Variants in CNTN5 observed in about 807,000 individuals in gnomAD.
CNTN5 encodes the protein contactin 5, also known as contactin-5.
CNTN5 carries 77 observed loss-of-function variants against 129.1 expected under a neutral mutation model. That is an observed-to-expected ratio of 0.60 (90% CI 0.50 to 0.72). CNTN5 has a LOEUF of 0.72. CNTN5 is among the 30% of genes least tolerant of loss of function. The probability of loss-of-function intolerance (pLI) is 0.00; values close to 1 mark genes in which losing one functional copy is unlikely to be tolerated. For missense variants in CNTN5, 1,478 were observed against 1,328.8 expected, an observed-to-expected ratio of 1.11 and a Z score of -1.75; for synonymous variants, 509 against 465.6, an observed-to-expected ratio of 1.09 and a Z score of -1.20.
At chr11:100,202,467 T>G (rs1397012058) in intron 15 of CNTN5, among the ~76,000 whole-genome samples, 3 of 151,488 alleles carry the variant, frequency 2.0e-5, no homozygotes, top group Admixed American at 1.3e-4. Flanking sequence ...TTTCAAGTAT[T>G]TATACATTTC....
chr11:100,236,956 A>G (rs898760712), intron 16 of CNTN5, among the ~76,000 whole-genome samples: 6 of 152,116 alleles, frequency 3.9e-5, no homozygotes, highest in Admixed American at 1.3e-4. Flanking sequence ...TTGGGAGGCC[A>G]AGGCGGGTGG....
In CNTN5 at chr11:99,956,816, T is replaced by C. The variant is rs1950814488; in HGVS notation, c.684T>C (p.Tyr228=). ...TTTGTGTATTTTCAGAGATCATCTA[T>C]AGCTGGGTATTTAATGAGTTCCCTT... The part of the protein sequence containing the change: ...SPPPHSPEII[Y]SWVFNEFPSF... Residue 228 remains tyrosine, a synonymous_variant, in exon 8 of 25, where the codon TAT becomes TAC. Coordinates refer to ENST00000524871, the MANE Select transcript of CNTN5 (RefSeq NM_014361.4). 6 of 1,613,816 alleles carry C rather than the reference T, an allele frequency of 3.7e-6. No individual in the cohort carries two copies. Among genetic ancestry groups the C allele is most frequent in the East Asian group, 4.5e-5 (2 of 44,872 alleles).
intron 13 of CNTN5, among the ~76,000 whole-genome samples, chr11:100,136,419 A>ATTTAG (rs1297639847): frequency 6.6e-6 from 1 of 152,024 alleles, no homozygotes. Context: ...TTTTCTTCTA[A>ATTTAG]TTTAGTTTGA....
intron 1 of CNTN5, among the ~76,000 whole-genome samples, chr11:99,289,238 C>T (rs997412746): frequency 2.0e-5 from 3 of 151,684 alleles, no homozygotes; most frequent in African/African-American, 2.4e-5. Flanking sequence ...ATTTCTTTGT[C>T]GTTACTTATG....
chr11:100,117,817 C>A (rs1279002757), intron 13 of CNTN5, among the ~76,000 whole-genome samples: 11 of 151,528 alleles, frequency 7.3e-5, no homozygotes, highest in African/African-American at 2.4e-4. Flanking sequence ...AAGTGGATAA[C>A]ATTTACTTGA....
At chr11:99,279,647 A>G (rs1278339486) in intron 1 of CNTN5, among the ~76,000 whole-genome samples, 2 of 151,676 alleles carry the variant, frequency 1.3e-5, no homozygotes, top group East Asian at 3.9e-4. Flanking sequence ...TAGTATTTTT[A>G]TACTTCAGTA....
rs1369747387 is a variant in CNTN5 at position 99,669,037 on chromosome 11, C to T, written c.55+112768C>T. Reference sequence around the variant, plus strand: ...TTTCTATTTCTTGTGAAAATTGATGCACGCGTGGATATTTGTGCTTTCTTT... The same window carrying T: ...TTTCTATTTCTTGTGAAAATTGATGTACGCGTGGATATTTGTGCTTTCTTT... On this transcript the variant is annotated intron_variant, in intron 3 of 24. Coordinates refer to ENST00000524871, the MANE Select transcript of CNTN5 (RefSeq NM_014361.4). Among the ~76,000 whole-genome samples the T allele has an allele frequency of 2.6e-5, 4 of 152,052 alleles. No homozygotes were observed. The East Asian group carries it at 5.8e-4, about 22-fold the overall frequency.
chr11:99,969,780 T>C (rs1171023424), intron 8 of CNTN5, among the ~76,000 whole-genome samples: 1 of 152,190 alleles, frequency 6.6e-6, no homozygotes, highest in Non-Finnish European at 1.5e-5. Flanking sequence ...CATGTACTTA[T>C]CCATTTATAT....
intron 1 of CNTN5, among the ~76,000 whole-genome samples, chr11:99,036,196 G>C (rs1292490433): frequency 6.6e-6 from 1 of 151,824 alleles, no homozygotes; most frequent in East Asian, 1.9e-4. Flanking sequence ...ACAGTTGCTT[G>C]GATAAATATT....
chr11:99,531,698 T>A (rs1030870542), intron 2 of CNTN5, among the ~76,000 whole-genome samples: 3 of 152,222 alleles, frequency 2.0e-5, no homozygotes, highest in Admixed American at 2.0e-4. Flanking sequence ...GGGGCCAATG[T>A]ACAGCTCAGG....
intron 21 of CNTN5, among the ~76,000 whole-genome samples, chr11:100,338,100 C>G (rs913949877): frequency 2.6e-5 from 4 of 152,144 alleles, no homozygotes; most frequent in Non-Finnish European, 5.9e-5. Flanking sequence ...TAAAAACATA[C>G]AAAAGACGAG....
At chr11:100,252,297 A>C (rs1287633200) in intron 16 of CNTN5, among the ~76,000 whole-genome samples, 2 of 152,142 alleles carry the variant, frequency 1.3e-5, no homozygotes, top group African/African-American at 2.4e-5. Flanking sequence ...TGAGTTCCTC[A>C]TATATGCTGC....
intron 10 of CNTN5, 40 bp from the exon 11 acceptor site, chr11:100,070,384 G>A (rs200654082): frequency 2.2e-4 from 339 of 1,568,170 alleles, no homozygotes; most frequent in Non-Finnish European, 2.8e-4. Context: ...AAGCGTTTGA[G>A]AAATGAAATC....
chr11:99,642,578 C>A (rs1255627862), intron 3 of CNTN5, among the ~76,000 whole-genome samples: 2 of 152,120 alleles, frequency 1.3e-5, no homozygotes, highest in African/African-American at 4.8e-5. Context: ...ATTAGCATAT[C>A]TGTCACCTCA....
rs141476315 is a variant in CNTN5, at chr11:99,981,618, T to C, written c.878-20416T>C. Reference sequence around the variant, plus strand: ...AACGTATCCAGTCAAGTTGACACAATTAAAATTAACCATCACACTCTCCAA... The same window carrying C: ...AACGTATCCAGTCAAGTTGACACAACTAAAATTAACCATCACACTCTCCAA... On this transcript the variant is annotated intron_variant, in intron 8 of 24. Coordinates refer to ENST00000524871, the MANE Select transcript of CNTN5 (RefSeq NM_014361.4). 5.0e-3 allele frequency among the ~76,000 whole-genome samples: 765 copies of C among 152,244 alleles called. 5 individuals carry two copies. The highest frequency in any genetic ancestry group is 0.017 in the African/African-American group (722 of 41,536).
intron 6 of CNTN5, among the ~76,000 whole-genome samples, chr11:99,851,335 A>T (rs1271702531): frequency 6.6e-6 from 1 of 152,142 alleles, no homozygotes; most frequent in East Asian, 1.9e-4. Context: ...CCTAGGGATG[A>T]TTATTACTGA....
chr11:99,164,508 T>G (rs528938150), intron 1 of CNTN5, among the ~76,000 whole-genome samples: 6 of 152,256 alleles, frequency 3.9e-5, no homozygotes, highest in African/African-American at 1.4e-4. Context: ...GGTGCTTCAT[T>G]TTTAGAACTC....
At chr11:100,074,086 C>T (rs1944031994) in intron 12 of CNTN5, 58 bp from the exon 13 acceptor site, 1 of 1,467,672 alleles carries the variant, frequency 6.8e-7, no homozygotes, top group Non-Finnish European at 9.4e-7. Context: ...TCATGAATCA[C>T]CCATTAGAGA....
chr11:99,723,409 C>T (rs1943237408), intron 3 of CNTN5, among the ~76,000 whole-genome samples: 1 of 152,240 alleles, frequency 6.6e-6, no homozygotes, highest in Admixed American at 6.5e-5. Context: ...TACTTTTCAT[C>T]TCCCATTCTC....
Sources: allele counts gnomAD v4.1 joint callset (sites outside exome capture counted in the v4.1 genomes callset), GRCh38; gene constraint gnomAD v4.1.1; transcripts MANE v1.5; gene names NCBI Gene and HGNC (gene_info 2026-07-23, HGNC 2026-07-21).